The following CC2D2B variants were observed in gnomAD, a reference collection of about 807,000 sequenced individuals.
The protein encoded by CC2D2B is protein CC2D2B.
In CC2D2B, 128 loss-of-function variants were observed where a neutral mutation model predicts 161.2. The observed-to-expected ratio is 0.79, with a 90% confidence interval of 0.69 to 0.92. The LOEUF (loss-of-function observed/expected upper bound fraction) is 0.92. Among genes scored for constraint, CC2D2B ranks in the 40% least tolerant of loss-of-function variants. CC2D2B has a pLI of 0.00. For missense variants in CC2D2B, 1,173 were observed against 1,375.1 expected (o/e 0.85, Z 2.32); for synonymous variants, 391 against 449.8 (o/e 0.87, Z 1.65).
At chr10:96,000,473 C>G (rs969921093) in intron 24 of CC2D2B, among the ~76,000 whole-genome samples, 1 of 152,084 alleles carries the variant, frequency 6.6e-6, no homozygotes, top group African/African-American at 2.4e-5. Context: ...GAACCATTCT[C>G]CTGCCTCAGC....
intron 15 of CC2D2B, among the ~76,000 whole-genome samples, chr10:95,969,354 A>C (rs1422514639): frequency 1.3e-5 from 2 of 152,174 alleles, no homozygotes; most frequent in East Asian, 3.8e-4. Context: ...AAGAACATAC[A>C]CACAAAAGAC....
chr10:95,988,626 G>A (rs1430482919), intron 20 of CC2D2B, among the ~76,000 whole-genome samples: 1 of 152,140 alleles, frequency 6.6e-6, no homozygotes, highest in Non-Finnish European at 1.5e-5. Context: ...AGTTCACCTT[G>A]AGAGATACCC....
At chr10:95,964,656 C>G (rs2076879387) in intron 12 of CC2D2B, among the ~76,000 whole-genome samples, 1 of 152,050 alleles carries the variant, frequency 6.6e-6, no homozygotes, top group African/African-American at 2.4e-5. Flanking sequence ...AGGAATTTAC[C>G]CAGATTCTGC....
At chr10:95,939,044 TA>T in intron 9 of CC2D2B, 119 bp downstream of exon 9, 1 of 473,182 alleles carries the variant, frequency 2.1e-6, no homozygotes, top group Non-Finnish European at 3.8e-6. Flanking sequence ...ATATAATGTC[TA>T]AATCATGATG....
chr10:95,966,873 A>G (rs1371292704), intron 14 of CC2D2B, among the ~76,000 whole-genome samples: 1 of 152,076 alleles, frequency 6.6e-6, no homozygotes, highest in Non-Finnish European at 1.5e-5. Context: ...TGCCTAGAAC[A>G]TTATGCAAAA....
At chr10:96,027,171 T>A in intron 33 of CC2D2B, 41 bp from the exon 34 acceptor site, 2 of 1,365,630 alleles carry the variant, frequency 1.5e-6, no homozygotes, top group Non-Finnish European at 9.8e-7. Context: ...ACCAAATGAG[T>A]TATAACTTGT....
intron 15 of CC2D2B, among the ~76,000 whole-genome samples, chr10:95,969,757 T>C (rs1398760752): frequency 1.3e-5 from 2 of 151,160 alleles, no homozygotes; most frequent in Admixed American, 6.6e-5. Context: ...GAATTCCTAA[T>C]ACAAAAAAAA....
At chr10:95,951,333 A>C (rs1023050817) in intron 10 of CC2D2B, among the ~76,000 whole-genome samples, 4 of 151,616 alleles carry the variant, frequency 2.6e-5, no homozygotes, top group African/African-American at 9.7e-5. Flanking sequence ...TTTCTTTTTC[A>C]TAGAGACAGG....
chr10:95,913,921 C>G (rs1490077206), intron 2 of CC2D2B, among the ~76,000 whole-genome samples: 1 of 152,100 alleles, frequency 6.6e-6, no homozygotes, highest in African/African-American at 2.4e-5. Flanking sequence ...AGGGCTGTTT[C>G]TTTGTTGATT....
At chr10:95,936,410 G>A (rs1353167978) in intron 6 of CC2D2B, among the ~76,000 whole-genome samples, 1 of 152,178 alleles carries the variant, frequency 6.6e-6, no homozygotes, top group Admixed American at 6.5e-5. Context: ...GGGCAACCCA[G>A]AGTGAGGCCT....
chr10:95,972,890 A>G (rs1188686594), intron 16 of CC2D2B, among the ~76,000 whole-genome samples: 1 of 152,164 alleles, frequency 6.6e-6, no homozygotes, highest in Non-Finnish European at 1.5e-5. Context: ...GGAAGGGAAG[A>G]AGAAAATGAG....
chr10:95,968,503 A>G (rs943176983), intron 14 of CC2D2B, among the ~76,000 whole-genome samples: 2 of 152,126 alleles, frequency 1.3e-5, no homozygotes, highest in African/African-American at 2.4e-5. Flanking sequence ...TTTTAGTTCT[A>G]TTTTTGAATA....
At chr10:95,924,534 T>TAC (rs1274755420) in intron 4 of CC2D2B, 144 bp downstream of exon 4, 2 of 592,966 alleles carry the variant, frequency 3.4e-6, no homozygotes, top group South Asian at 2.5e-5. Context: ...TCTCTCTATA[T>TAC]ATATATTTTC....
intron 14 of CC2D2B, among the ~76,000 whole-genome samples, chr10:95,967,719 T>C (rs1398097329): frequency 6.6e-6 from 1 of 152,176 alleles, no homozygotes; most frequent in Non-Finnish European, 1.5e-5. Flanking sequence ...AAAGGGTAAC[T>C]TTTACTTAGA....
At chr10:95,986,587 A>G (rs1419001171) in intron 19 of CC2D2B, among the ~76,000 whole-genome samples, 1 of 152,046 alleles carries the variant, frequency 6.6e-6, no homozygotes, top group Non-Finnish European at 1.5e-5. Flanking sequence ...TATAAATTAT[A>G]AAGAACAAGA....
At chr10:96,006,226 T>C (rs895252932) in intron 25 of CC2D2B, among the ~76,000 whole-genome samples, 3 of 151,490 alleles carry the variant, frequency 2.0e-5, no homozygotes, top group African/African-American at 4.8e-5. Context: ...ATCTCTTGCC[T>C]TCTCATGAAT....
chr10:95,977,009 CA>C (rs1271411454), intron 17 of CC2D2B, among the ~76,000 whole-genome samples: 2 of 152,158 alleles, frequency 1.3e-5, no homozygotes, highest in Admixed American at 6.5e-5. Flanking sequence ...CTCCACCTCC[CA>C]AAGTGTTGGG....
chr10:95,974,764 A>T (rs923442822), intron 17 of CC2D2B, among the ~76,000 whole-genome samples: 1 of 152,260 alleles, frequency 6.6e-6, no homozygotes, highest in African/African-American at 2.4e-5. Context: ...GAAAAGCTTC[A>T]TATAACTTAT....
At chr10:95,941,575 A>G (rs1264636793) in intron 9 of CC2D2B, among the ~76,000 whole-genome samples, 1 of 152,218 alleles carries the variant, frequency 6.6e-6, no homozygotes, top group African/African-American at 2.4e-5. Context: ...GCCAACAGAC[A>G]TATAAAACAT....
Sources: gnomAD v4.1 joint callset for allele counts (sites outside exome capture counted in the v4.1 genomes callset) on GRCh38, gnomAD v4.1.1 for gene constraint, MANE v1.5 for transcripts, NCBI Gene and HGNC (gene_info 2026-07-23, HGNC 2026-07-21) for gene names.